The following PDGFD variants were observed in gnomAD, a reference collection of about 807,000 sequenced individuals.
PDGFD encodes the protein platelet derived growth factor D, also known as platelet-derived growth factor D.
Under a neutral mutation model 44.7 loss-of-function variants are expected in PDGFD, and 30 were observed. The observed-to-expected ratio is 0.67, with a 90% CI of 0.50 to 0.91. PDGFD has a LOEUF of 0.91. PDGFD is among the 40% of genes least tolerant of loss of function. The probability of loss-of-function intolerance (pLI) is 0.00; values close to 1 mark genes in which losing one functional copy is unlikely to be tolerated. For missense variants in PDGFD, 445 were observed against 457.8 expected (o/e 0.97, Z 0.25); for synonymous variants, 173 against 168.4 (o/e 1.03, Z -0.21).
At chr11:103,956,937 C>G (rs1314104311) in intron 3 of PDGFD, among the ~76,000 whole-genome samples, 1 of 152,070 alleles carries the variant, frequency 6.6e-6, no homozygotes, top group Non-Finnish European at 1.5e-5. Flanking sequence ...TGTTTGAGTT[C>G]ATTGTAGATT....
chr11:104,120,808 A>C (rs1258707495), intron 1 of PDGFD, among the ~76,000 whole-genome samples: 1 of 151,736 alleles, frequency 6.6e-6, no homozygotes, highest in African/African-American at 2.4e-5. Flanking sequence ...TTTTCCCACT[A>C]TCCTGTCACA....
At chr11:104,106,945 A>G (rs1043704919) in intron 1 of PDGFD, among the ~76,000 whole-genome samples, 1 of 151,930 alleles carries the variant, frequency 6.6e-6, no homozygotes, top group Non-Finnish European at 1.5e-5. Flanking sequence ...GGGTTTCACC[A>G]TGTTGCCCAG....
At chr11:103,949,973 G>A (rs1858724763) in intron 3 of PDGFD, among the ~76,000 whole-genome samples, 1 of 152,104 alleles carries the variant, frequency 6.6e-6, no homozygotes, top group Admixed American at 6.6e-5. Context: ...ACTTACTGGG[G>A]AAACTATGAG....
At chr11:104,030,753 C>T (rs1565314888) in intron 1 of PDGFD, among the ~76,000 whole-genome samples, 1 of 152,114 alleles carries the variant, frequency 6.6e-6, no homozygotes, top group South Asian at 2.1e-4. Flanking sequence ...GAAAGGATAG[C>T]TCTTTGGAAC....
chr11:104,083,289 C>T (rs568099475), intron 1 of PDGFD, among the ~76,000 whole-genome samples: 13 of 152,156 alleles, frequency 8.5e-5, no homozygotes, highest in East Asian at 7.7e-4. Context: ...AACTTTGATC[C>T]GCCCAAAGGT....
intron 1 of PDGFD, among the ~76,000 whole-genome samples, chr11:104,062,679 C>G (rs1860733232): frequency 6.6e-6 from 1 of 152,148 alleles, no homozygotes; most frequent in Non-Finnish European, 1.5e-5. Context: ...CTACTACAAA[C>G]ATTGTCTGAA....
rs112814108 is a variant in PDGFD, at chr11:104,126,676, T to C, written c.124+37128A>G. On this transcript the variant is annotated intron_variant, in intron 1 of 6. Coordinates refer to ENST00000393158, the MANE Select transcript of PDGFD (RefSeq NM_025208.5). ...TATCTACATAATGTGACAGGTGCTA[T>C]ATAACTGACATGCTCACATCAATCA... Among the ~76,000 whole-genome samples, 911 of 152,254 alleles carry C rather than the reference T, an allele frequency of 6.0e-3. 6 individuals are homozygous for C. Among genetic ancestry groups the C allele is most frequent in the African/African-American group, 0.021 (859 of 41,556 alleles).
chr11:104,032,104 C>T (rs909963093), intron 1 of PDGFD, among the ~76,000 whole-genome samples: 13 of 151,860 alleles, frequency 8.6e-5, no homozygotes, highest in African/African-American at 3.1e-4. Context: ...ACATGTTTAC[C>T]CATGAAACAA....
chr11:103,925,792 G>T (rs1365819904), intron 6 of PDGFD, among the ~76,000 whole-genome samples: 1 of 149,272 alleles, frequency 6.7e-6, no homozygotes, highest in East Asian at 2.0e-4. Flanking sequence ...GCAATGGCGC[G>T]ATCTCAGCTC....
intron 3 of PDGFD, among the ~76,000 whole-genome samples, chr11:103,962,120 C>T (rs1023680519): frequency 6.6e-6 from 1 of 152,098 alleles, no homozygotes; most frequent in Non-Finnish European, 1.5e-5. Flanking sequence ...ACAAGGAATT[C>T]GGTGCCGTTG....
rs1565320007 is a variant in PDGFD, at chr11:104,046,407, A to G, written c.125-46152T>C. 1.4e-5 allele frequency among the ~76,000 whole-genome samples: 2 copies of G among 147,970 alleles called. 1 individual carries two copies. The highest frequency in any genetic ancestry group is 3.9e-4 in the East Asian group (2 of 5,112). ...TGACTGCATAACGTTAAAGCAACAG[A>G]TGGGTAGTTAGAATAAAACAGAAAC... On this transcript the variant is annotated intron_variant, in intron 1 of 6. Transcript: ENST00000393158.
chr11:104,119,175 T>C (rs1293727731), intron 1 of PDGFD, among the ~76,000 whole-genome samples: 1 of 8,476 alleles, frequency 1.2e-4, no homozygotes, highest in African/African-American at 3.5e-4. Flanking sequence ...ATATAATATA[T>C]TAATATAATA....
intron 1 of PDGFD, among the ~76,000 whole-genome samples, chr11:104,119,745 A>G (rs1369411168): frequency 1.8e-3 from 197 of 108,336 alleles, no homozygotes; most frequent in African/African-American, 7.2e-3. Context: ...AGAAATATAT[A>G]TTATATATTT....
intron 1 of PDGFD, among the ~76,000 whole-genome samples, chr11:104,069,687 C>T (rs570429748): frequency 6.6e-6 from 1 of 152,170 alleles, no homozygotes; most frequent in African/African-American, 2.4e-5. Flanking sequence ...GGTGAAACCC[C>T]GTCTCTACTA....
At chr11:104,090,348 A>T (rs922730653) in intron 1 of PDGFD, among the ~76,000 whole-genome samples, 3 of 150,436 alleles carry the variant, frequency 2.0e-5, no homozygotes, top group African/African-American at 7.3e-5. Flanking sequence ...AGGCGGGCAC[A>T]GTGGCTCATG....
At chr11:103,981,880 C>T (rs1369815272) in intron 3 of PDGFD, among the ~76,000 whole-genome samples, 1 of 151,748 alleles carries the variant, frequency 6.6e-6, no homozygotes, top group Non-Finnish European at 1.5e-5. Flanking sequence ...CAACAGAAGA[C>T]CCAAATCTTG....
At chr11:104,163,288 T>C (rs771215384) in intron 1 of PDGFD, among the ~76,000 whole-genome samples, 12 of 152,112 alleles carry the variant, frequency 7.9e-5, no homozygotes, top group African/African-American at 1.2e-4. Flanking sequence ...CGAAAATAAA[T>C]AGTAAATTGT....
intron 3 of PDGFD, among the ~76,000 whole-genome samples, chr11:103,956,632 G>A (rs1029976806): frequency 1.8e-4 from 28 of 151,820 alleles, no homozygotes; most frequent in Admixed American, 1.4e-3. Flanking sequence ...CTGAGGAATC[G>A]CCACACTGAC....
Position 104,141,306 on chromosome 11 carries a change from T to C in PDGFD, c.124+22498A>G, listed in dbSNP as rs78344565. ...TTCTAATCTCTAGAACTTGTGAACA[T>C]ATCTTAGATGGCAAAAGATGAGATT... On this transcript the variant is annotated intron_variant, in intron 1 of 6. Transcript: ENST00000393158. 4.5e-3 allele frequency among the ~76,000 whole-genome samples: 680 copies of C among 152,334 alleles called. 3 individuals carry two copies. Among genetic ancestry groups the C allele is most frequent in the African/African-American group, 0.014 (567 of 41,580 alleles).
Sources: allele counts gnomAD v4.1 joint callset (sites outside exome capture counted in the v4.1 genomes callset), GRCh38; gene constraint gnomAD v4.1.1; transcripts MANE v1.5; gene names NCBI Gene and HGNC (gene_info 2026-07-23, HGNC 2026-07-21).